The following NAA11 variants were observed in gnomAD, a reference collection of about 807,000 sequenced individuals.
NAA11 encodes N-alpha-acetyltransferase 11, NatA catalytic subunit.
A neutral mutation model predicts 16.1 loss-of-function variants in NAA11; 15 were observed. The observed-to-expected ratio is 0.93, with a 90% confidence interval of 0.62 to 1.44. NAA11 has a LOEUF of 1.44. NAA11 is among the 40% of genes most tolerant of loss of function. NAA11 has a pLI of 0.00. For missense variants in NAA11, 298 were observed against 291.3 expected, an observed-to-expected ratio of 1.02 and a Z score of -0.17; for synonymous variants, 122 against 112.4, an observed-to-expected ratio of 1.09 and a Z score of -0.54.
intron 2 of NAA11, among the ~76,000 whole-genome samples, chr4:79,255,012 T>C (rs1408719003): frequency 6.6e-6 from 1 of 152,164 alleles, no homozygotes; most frequent in African/African-American, 2.4e-5. Flanking sequence ...ACTATAATTA[T>C]ATACAATAAT....
At chr4:79,292,150 T>C (rs745867275) in intron 2 of NAA11, among the ~76,000 whole-genome samples, 4 of 152,208 alleles carry the variant, frequency 2.6e-5, no homozygotes, top group Middle Eastern at 3.2e-3. Context: ...TCAGGTCTAC[T>C]TCCTCTGTTT....
downstream of NAA11, among the ~76,000 whole-genome samples, chr4:79,313,411 CTG>C (rs1723837203): frequency 6.6e-6 from 1 of 152,190 alleles, no homozygotes; most frequent in South Asian, 2.1e-4. Flanking sequence ...ACTCCGCACT[CTG>C]TGTCTTCTCA....
chr4:79,181,247 A>G, the NAA11 span, among the ~76,000 whole-genome samples: 1 of 151,126 alleles, frequency 6.6e-6, no homozygotes, highest in African/African-American at 2.4e-5. Flanking sequence ...AAAAAAAGCC[A>G]TACAGCCTTT....
the NAA11 span, among the ~76,000 whole-genome samples, chr4:79,161,360 A>C: frequency 6.6e-6 from 1 of 152,138 alleles, no homozygotes; most frequent in African/African-American, 2.4e-5. Context: ...TCTGGATCTA[A>C]ATTCTATTCC....
the NAA11 span, among the ~76,000 whole-genome samples, chr4:79,196,550 T>C: frequency 6.6e-6 from 1 of 151,986 alleles, no homozygotes; most frequent in East Asian, 1.9e-4. Flanking sequence ...TTACTATTTT[T>C]GGCTAGTTGT....
At chr4:79,193,784 G>A in the NAA11 span, among the ~76,000 whole-genome samples, 1 of 152,134 alleles carries the variant, frequency 6.6e-6, no homozygotes, top group Non-Finnish European at 1.5e-5. Context: ...TAGTTTGATG[G>A]GGATGGCATT....
chr4:79,197,540 A>G, the NAA11 span: 2 of 152,116 alleles, frequency 1.3e-5, no homozygotes, highest in East Asian at 3.9e-4. Context: ...GCCAAGCTTA[A>G]GAGCCATGCT....
chr4:79,236,351 T>C (rs1373339507), intron 2 of NAA11, among the ~76,000 whole-genome samples: 5 of 152,068 alleles, frequency 3.3e-5, no homozygotes, highest in African/African-American at 4.8e-5. Context: ...GAAGTATTTA[T>C]TTCAGGAACT....
chr4:79,227,507 G>A (rs1721344861), intron 2 of NAA11: 2 of 151,946 alleles, frequency 1.3e-5, no homozygotes, highest in African/African-American at 4.8e-5. Flanking sequence ...ACTAAGAGGA[G>A]TCATTCAGGA....
chr4:79,321,122 T>C (rs1724076934), intron 1 of NAA11, among the ~76,000 whole-genome samples: 1 of 152,116 alleles, frequency 6.6e-6, no homozygotes, highest in South Asian at 2.1e-4. Context: ...GCAGAATAAA[T>C]ATATGTCAGG....
At chr4:79,304,503 A>G (rs1723506573) in intron 1 of NAA11, among the ~76,000 whole-genome samples, 1 of 152,196 alleles carries the variant, frequency 6.6e-6, no homozygotes, top group Non-Finnish European at 1.5e-5. Context: ...ATTTTGCTTT[A>G]ATAACAAATG....
At chr4:79,168,458 A>G in the NAA11 span, among the ~76,000 whole-genome samples, 5 of 152,154 alleles carry the variant, frequency 3.3e-5, no homozygotes, top group South Asian at 2.1e-4. Flanking sequence ...TGTCTTCCAC[A>G]ATGGTTGAAC....
intron 1 of NAA11, among the ~76,000 whole-genome samples, chr4:79,304,410 T>C (rs72664047): frequency 0.053 from 8,039 of 152,206 alleles, 351 homozygotes; most frequent in African/African-American, 0.11. Context: ...GCTAAGAAAA[T>C]GATTAAGAAT....
the NAA11 span, among the ~76,000 whole-genome samples, chr4:79,191,467 G>A: frequency 6.6e-6 from 1 of 152,206 alleles, no homozygotes; most frequent in Admixed American, 6.5e-5. Flanking sequence ...CTTGTTGGCT[G>A]CATGTATGTA....
At chr4:79,269,456 T>C (rs1403997028) in intron 2 of NAA11, among the ~76,000 whole-genome samples, 1 of 145,980 alleles carries the variant, frequency 6.9e-6, no homozygotes, top group Non-Finnish European at 1.5e-5. Flanking sequence ...TGGCCAGTGA[T>C]GATGAGCATT....
intron 1 of NAA11, among the ~76,000 whole-genome samples, chr4:79,320,656 G>C (rs1724063874): frequency 1.3e-5 from 2 of 152,174 alleles, no homozygotes; most frequent in Non-Finnish European, 2.9e-5. Flanking sequence ...CGTTTTCATA[G>C]TGTGAAGAGC....
intron 2 of NAA11, among the ~76,000 whole-genome samples, chr4:79,248,330 A>C (rs1378906092): frequency 2.6e-5 from 4 of 151,746 alleles, no homozygotes; most frequent in Non-Finnish European, 5.9e-5. Flanking sequence ...ACACACACCC[A>C]TAACCAACCC....
At chr4:79,164,542 T>C in the NAA11 span, among the ~76,000 whole-genome samples, 1 of 152,174 alleles carries the variant, frequency 6.6e-6, no homozygotes, top group Admixed American at 6.6e-5. Flanking sequence ...CACTTAGTTA[T>C]CTAGAAATGT....
At chr4:79,254,493 T>G (rs1722059781) in intron 2 of NAA11, among the ~76,000 whole-genome samples, 1 of 152,196 alleles carries the variant, frequency 6.6e-6, no homozygotes, top group Non-Finnish European at 1.5e-5. Flanking sequence ...TTGTAAATAC[T>G]TGTCCACATG....
Sources: gnomAD v4.1 joint callset for allele counts (sites outside exome capture counted in the v4.1 genomes callset) on GRCh38, gnomAD v4.1.1 for gene constraint, MANE v1.5 for transcripts, NCBI Gene and HGNC (gene_info 2026-07-23, HGNC 2026-07-21) for gene names.